Variants in PKHD1 observed in about 807,000 individuals in gnomAD.
The protein encoded by PKHD1 is fibrocystin.
In PKHD1, 291 loss-of-function variants were observed where a neutral mutation model predicts 412.0. That is an observed-to-expected ratio of 0.71 (90% confidence interval 0.64 to 0.78). The LOEUF is 0.78. PKHD1 is among the 30% of genes least tolerant of loss of function. The pLI is 0.00. For synonymous variants in PKHD1, 1,777 were observed against 1,821.5 expected, an observed-to-expected ratio of 0.98 and a Z score of 0.62; for missense variants, 4,825 against 4,950.7, an observed-to-expected ratio of 0.97 and a Z score of 0.76.
intron 60 of PKHD1, among the ~76,000 whole-genome samples, chr6:51,724,753 T>A (rs1782361405): frequency 6.6e-6 from 1 of 151,882 alleles, no homozygotes; most frequent in Non-Finnish European, 1.5e-5. Context: ...GAGTGAGGAG[T>A]GTATCATGGA....
intron 37 of PKHD1, among the ~76,000 whole-genome samples, chr6:51,914,394 C>A (rs1044795348): frequency 6.6e-6 from 1 of 152,042 alleles, no homozygotes; most frequent in Non-Finnish European, 1.5e-5. Context: ...AAAAATAACA[C>A]CTCTATGTGT....
intron 61 of PKHD1, among the ~76,000 whole-genome samples, chr6:51,653,863 A>G (rs13202376): frequency 1.3e-5 from 2 of 152,166 alleles, no homozygotes; most frequent in South Asian, 2.1e-4. Flanking sequence ...ATCATTTAAA[A>G]CAAGATTTTA....
chr6:52,085,127 T>G (rs1489618588), intron 1 of PKHD1, 110 bp from the exon 2 acceptor site: 2 of 556,930 alleles, frequency 3.6e-6, no homozygotes, highest in Non-Finnish European at 6.5e-6. Flanking sequence ...ATGGCCTTAG[T>G]GTCTTCAAAT....
At chr6:51,622,956 T>TCTAC (rs1444111331) in intron 66 of PKHD1, 1 of 152,168 alleles carries the variant, frequency 6.6e-6, no homozygotes, top group Non-Finnish European at 1.5e-5. Flanking sequence ...GATATCTATA[T>TCTAC]CTACCTAATT....
At chr6:51,952,407 A>T (rs1407501599) in intron 36 of PKHD1, among the ~76,000 whole-genome samples, 1 of 152,150 alleles carries the variant, frequency 6.6e-6, no homozygotes, top group Non-Finnish European at 1.5e-5. Context: ...TAGCTTATTC[A>T]TTCAGCCATT....
At chr6:52,076,557 G>A (rs977527292) in intron 5 of PKHD1, among the ~76,000 whole-genome samples, 1 of 152,120 alleles carries the variant, frequency 6.6e-6, no homozygotes, top group Non-Finnish European at 1.5e-5. Context: ...GAGGTAATTT[G>A]ATTAAGGTCA....
chr6:52,064,813 C>T (rs1321454270), intron 13 of PKHD1, 142 bp downstream of exon 13: 7 of 449,632 alleles, frequency 1.6e-5, no homozygotes, highest in Admixed American at 5.4e-5. Context: ...AGAGCCTTGA[C>T]AATGGTATCA....
chr6:51,697,227 G>A (rs781252222), intron 60 of PKHD1, among the ~76,000 whole-genome samples: 3 of 152,006 alleles, frequency 2.0e-5, no homozygotes, highest in Non-Finnish European at 4.4e-5. Flanking sequence ...ACTAGTAATT[G>A]TCCTCTTAAT....
At chr6:51,919,937 T>A (rs1022108071) in intron 37 of PKHD1, among the ~76,000 whole-genome samples, 2 of 152,242 alleles carry the variant, frequency 1.3e-5, no homozygotes, top group Non-Finnish European at 2.9e-5. Flanking sequence ...TTGTCTGTTA[T>A]TGGTGTATAA....
intron 53 of PKHD1, among the ~76,000 whole-genome samples, chr6:51,785,593 C>T (rs966428186): frequency 6.6e-6 from 1 of 152,122 alleles, no homozygotes; most frequent in African/African-American, 2.4e-5. Flanking sequence ...ATTTTCTTTG[C>T]CATTTCCACT....
chr6:51,647,857 A>C (rs1183411413), intron 63 of PKHD1, among the ~76,000 whole-genome samples, 174 bp downstream of exon 63: 1 of 152,186 alleles, frequency 6.6e-6, no homozygotes, highest in African/African-American at 2.4e-5. Flanking sequence ...CTGCCAGCCT[A>C]ATCTTCCTTT....
chr6:51,903,651 A>C lies in PKHD1; in HGVS notation c.6942T>G (p.Pro2314=), dbSNP rs376472715. The change falls in exon 43 of 67, where the codon CCT becomes CCG. Residue 2314 remains proline (P), a synonymous_variant. Coordinates refer to ENST00000371117, the MANE Select transcript of PKHD1 (RefSeq NM_138694.4). Reference sequence around the variant, plus strand: ...AGATGCCAGATGGTGTCAACATTTCAGGATTGGAGAGTCCCTCGGCACCAG... The same window carrying C: ...AGATGCCAGATGGTGTCAACATTTCCGGATTGGAGAGTCCCTCGGCACCAG... ...QVSGAEGLSN[P]EMLTPSGIYI... is the part of the protein sequence containing the mutation. The C allele has an allele frequency of 3.7e-6, 6 of 1,610,774 alleles. No individual in the cohort carries two copies. Among genetic ancestry groups the C allele is most frequent in the Admixed American group, 1.7e-5 (1 of 59,964 alleles).
chr6:51,798,640 C>G (rs946662898), intron 52 of PKHD1, among the ~76,000 whole-genome samples: 1 of 152,122 alleles, frequency 6.6e-6, no homozygotes, highest in Non-Finnish European at 1.5e-5. Flanking sequence ...CTGGGGTTCT[C>G]CGCATTTCCT....
intron 35 of PKHD1, among the ~76,000 whole-genome samples, chr6:51,993,566 A>G (rs1216199226): frequency 3.9e-5 from 6 of 152,354 alleles, no homozygotes; most frequent in Non-Finnish European, 7.3e-5. Context: ...TAGTTAATAG[A>G]GTAAGTTAGA....
chr6:51,671,100 G>C (rs1461415676), intron 60 of PKHD1, among the ~76,000 whole-genome samples: 1 of 152,130 alleles, frequency 6.6e-6, no homozygotes, highest in Non-Finnish European at 1.5e-5. Context: ...GGCCTGCCTT[G>C]CTAGATTGGG....
At chr6:51,807,421 G>T (rs1763935017) in intron 52 of PKHD1, among the ~76,000 whole-genome samples, 1 of 133,566 alleles carries the variant, frequency 7.5e-6, no homozygotes, top group Non-Finnish European at 1.5e-5. Context: ...CTGGGCAACA[G>T]AGCGAGACTC....
chr6:51,933,955 G>A lies in PKHD1; in HGVS notation c.6121+155C>T, dbSNP rs1266888. ...GGTAGTGTACTCTGCCACATGAATC[G>A]TAACAGTTTTACTTGTTATTTAAGG... On this transcript the variant is annotated intron_variant, in intron 37 of 66. Transcript: ENST00000371117. Among the ~76,000 whole-genome samples, 107,182 of 152,116 alleles carry A rather than the reference G, an allele frequency of 0.7. 38,242 individuals are homozygous for A. The highest frequency in any genetic ancestry group is 0.94 in the East Asian group (4,879 of 5,184).
At chr6:51,832,769 T>C (rs2025753) in intron 51 of PKHD1, among the ~76,000 whole-genome samples, 75,567 of 151,872 alleles carry the variant, frequency 0.5, 20,000 homozygotes, top group African/African-American at 0.65. Context: ...ATCAGAAACA[T>C]GAGGAACACT....
At chr6:51,781,900 C>A (rs1422855722) in intron 53 of PKHD1, among the ~76,000 whole-genome samples, 15 of 151,616 alleles carry the variant, frequency 9.9e-5, no homozygotes, top group Admixed American at 9.9e-4. Flanking sequence ...ATGGCCAGCC[C>A]AAGGAACTTC....
Sources: allele counts gnomAD v4.1 joint callset (sites outside exome capture counted in the v4.1 genomes callset), GRCh38; gene constraint gnomAD v4.1.1; transcripts MANE v1.5; gene names NCBI Gene and HGNC (gene_info 2026-07-23, HGNC 2026-07-21).